The following CCDC178 variants were observed in gnomAD, a reference collection of about 807,000 sequenced individuals.
CCDC178 encodes coiled-coil domain containing 178, also known as coiled-coil domain-containing protein 178.
A neutral mutation model predicts 117.4 loss-of-function variants in CCDC178; 126 were observed. The observed-to-expected ratio is 1.07, with a 90% confidence interval of 0.93 to 1.24. The LOEUF is 1.24. Among genes scored for constraint, CCDC178 ranks in the 50% most tolerant of loss-of-function variants. CCDC178 has a pLI of 0.00. For missense variants in CCDC178, 1,030 were observed against 986.9 expected, an observed-to-expected ratio of 1.04 and a Z score of -0.59; for synonymous variants, 283 against 313.4, an observed-to-expected ratio of 0.90 and a Z score of 1.02.
At chr18:33,291,634 C>T (rs140207429) in intron 12 of CCDC178, among the ~76,000 whole-genome samples, 5 of 152,122 alleles carry the variant, frequency 3.3e-5, no homozygotes, top group Non-Finnish European at 7.4e-5. Flanking sequence ...TCTTATACAA[C>T]AGTGAATGAG....
chr18:33,183,242 T>C (rs1334286352), intron 20 of CCDC178, among the ~76,000 whole-genome samples: 58 of 152,050 alleles, frequency 3.8e-4, no homozygotes, highest in Non-Finnish European at 2.9e-5. Context: ...TGGAAGACTT[T>C]TAATTCTCAA....
chr18:33,187,025 G>GGAGGCCTCA (rs1555657742), intron 20 of CCDC178, among the ~76,000 whole-genome samples: 1 of 151,270 alleles, frequency 6.6e-6, no homozygotes, highest in African/African-American at 2.4e-5. Flanking sequence ...TGCATGGCTG[G>GGAGGCCTCA]GGAAACTTAC....
intron 12 of CCDC178, among the ~76,000 whole-genome samples, chr18:33,279,111 G>T (rs1050403203): frequency 6.6e-6 from 1 of 151,994 alleles, no homozygotes; most frequent in Non-Finnish European, 1.5e-5. Flanking sequence ...CCAGGGCAAT[G>T]AGGCAGGAGA....
At chr18:33,049,843 G>A (rs2056713726) in intron 21 of CCDC178, among the ~76,000 whole-genome samples, 1 of 151,730 alleles carries the variant, frequency 6.6e-6, no homozygotes, top group Admixed American at 6.6e-5. Flanking sequence ...AGCACTTTGG[G>A]AGGCCGAGGG....
intron 20 of CCDC178, among the ~76,000 whole-genome samples, chr18:33,196,659 C>T (rs868182031): frequency 5.9e-5 from 9 of 152,032 alleles, no homozygotes; most frequent in Middle Eastern, 3.4e-3. Flanking sequence ...CATGCCAAGA[C>T]GACAAAAGCT....
At chr18:32,962,350 T>G (rs1344327181) in intron 22 of CCDC178, among the ~76,000 whole-genome samples, 1 of 152,132 alleles carries the variant, frequency 6.6e-6, no homozygotes, top group African/African-American at 2.4e-5. Flanking sequence ...ATAGCTATTC[T>G]TCTTCCTTCC....
chr18:33,083,310 A>T (rs578140321), intron 21 of CCDC178, among the ~76,000 whole-genome samples: 29 of 152,312 alleles, frequency 1.9e-4, no homozygotes, highest in African/African-American at 7.0e-4. Flanking sequence ...ATCCTTGTTG[A>T]AAACACCATT....
chr18:33,432,052 G>C (rs758487334), intron 2 of CCDC178, among the ~76,000 whole-genome samples: 1 of 152,152 alleles, frequency 6.6e-6, no homozygotes, highest in Non-Finnish European at 1.5e-5. Flanking sequence ...ACAGGCATGA[G>C]AGCTCCCAGC....
chr18:33,368,896 A>T (rs560277059), intron 6 of CCDC178, among the ~76,000 whole-genome samples: 1 of 151,984 alleles, frequency 6.6e-6, no homozygotes, highest in Non-Finnish European at 1.5e-5. Context: ...CCATTATACC[A>T]TTTTAATAAG....
intron 3 of CCDC178, among the ~76,000 whole-genome samples, chr18:33,410,258 T>C (rs1321776777): frequency 1.3e-5 from 2 of 152,204 alleles, no homozygotes; most frequent in Non-Finnish European, 2.9e-5. Context: ...TTCAGTTCTT[T>C]CAACTATTTA....
At chr18:33,189,420 T>A (rs189393095) in intron 20 of CCDC178, among the ~76,000 whole-genome samples, 181 of 152,328 alleles carry the variant, frequency 1.2e-3, no homozygotes, top group African/African-American at 4.3e-3. Flanking sequence ...GTATATTATA[T>A]ATGTATTCAT....
intron 21 of CCDC178, among the ~76,000 whole-genome samples, chr18:33,011,689 C>A (rs1237114364): frequency 2.9e-5 from 4 of 137,070 alleles, no homozygotes; most frequent in African/African-American, 1.1e-4. Flanking sequence ...TATTTCAAAA[C>A]AGCTCCTTGC....
intron 20 of CCDC178, among the ~76,000 whole-genome samples, chr18:33,151,631 G>T (rs1277934946): frequency 6.6e-6 from 1 of 152,098 alleles, no homozygotes; most frequent in African/African-American, 2.4e-5. Context: ...TAAACCAAAA[G>T]TTTATAATAG....
intron 11 of CCDC178, among the ~76,000 whole-genome samples, chr18:33,300,180 T>C (rs1276907677): frequency 6.6e-6 from 1 of 152,180 alleles, no homozygotes; most frequent in Non-Finnish European, 1.5e-5. Flanking sequence ...CCTGCTTGCC[T>C]GCTCCCACTT....
chr18:33,182,364 T>C (rs1219827047), intron 20 of CCDC178, among the ~76,000 whole-genome samples: 2 of 152,014 alleles, frequency 1.3e-5, no homozygotes, highest in Non-Finnish European at 2.9e-5. Flanking sequence ...CAGATGATTG[T>C]AATTTTTCTA....
chr18:32,942,456 T>A (rs180976583), intron 22 of CCDC178, among the ~76,000 whole-genome samples: 1 of 152,118 alleles, frequency 6.6e-6, no homozygotes, highest in East Asian at 1.9e-4. Flanking sequence ...AGGCCAAAAG[T>A]GGAAAAGTAG....
At chr18:33,191,166 C>T (rs1432840712) in intron 20 of CCDC178, among the ~76,000 whole-genome samples, 1 of 152,068 alleles carries the variant, frequency 6.6e-6, no homozygotes, top group Non-Finnish European at 1.5e-5. Flanking sequence ...TCACTGACCT[C>T]AAGTTTGGGT....
intron 12 of CCDC178, among the ~76,000 whole-genome samples, chr18:33,271,052 G>C (rs1599082492): frequency 6.6e-6 from 1 of 151,202 alleles, no homozygotes; most frequent in East Asian, 1.9e-4. Context: ...AATTTTTTTT[G>C]TAAATTACAT....
At chr18:32,943,626 C>T (rs2054287049) in intron 22 of CCDC178, among the ~76,000 whole-genome samples, 1 of 152,132 alleles carries the variant, frequency 6.6e-6, no homozygotes, top group South Asian at 2.1e-4. Flanking sequence ...CAGAGAGTAG[C>T]CCCATTGTGT....
Sources: gnomAD v4.1 joint callset for allele counts (sites outside exome capture counted in the v4.1 genomes callset) on GRCh38, gnomAD v4.1.1 for gene constraint, MANE v1.5 for transcripts, NCBI Gene and HGNC (gene_info 2026-07-23, HGNC 2026-07-21) for gene names.